The following SMYD3 variants were observed in gnomAD, a reference collection of about 807,000 sequenced individuals.
SMYD3 encodes histone-lysine N-methyltransferase SMYD3.
In SMYD3, 36 loss-of-function variants were observed where a neutral mutation model predicts 57.7. The ratio of observed to expected loss-of-function variants is 0.62; its 90% CI spans 0.48 to 0.82. The LOEUF is 0.82. SMYD3 is among the 40% of genes least tolerant of loss of function. The pLI is 0.00. For missense variants in SMYD3, 515 were observed against 538.8 expected (o/e 0.96, Z 0.44); for synonymous variants, 211 against 195.0 (o/e 1.08, Z -0.68).
intron 5 of SMYD3, among the ~76,000 whole-genome samples, chr1:246,306,948 C>CTT (rs955108078): frequency 1.3e-5 from 2 of 150,452 alleles, no homozygotes; most frequent in African/African-American, 4.9e-5. Flanking sequence ...ATGGAAGTAA[C>CTT]TTTGAGTTTC....
intron 5 of SMYD3, among the ~76,000 whole-genome samples, chr1:246,282,977 A>C (rs1349571587): frequency 6.6e-6 from 1 of 152,202 alleles, no homozygotes; most frequent in Non-Finnish European, 1.5e-5. Context: ...CACTGCTGCA[A>C]ACTTCTTCCT....
intron 5 of SMYD3, among the ~76,000 whole-genome samples, chr1:246,073,480 G>A (rs1377926952): frequency 1.3e-5 from 2 of 152,078 alleles, no homozygotes; most frequent in East Asian, 1.9e-4. Context: ...ACTTTGGGAG[G>A]CCAAGGCGGG....
At chr1:246,330,656 A>G (rs963089790) in intron 3 of SMYD3, 119 bp from the exon 4 acceptor site, 23 of 738,968 alleles carry the variant, frequency 3.1e-5, no homozygotes, top group Non-Finnish European at 4.7e-5. Flanking sequence ...CATTTTCTAT[A>G]TATTCTTTCT....
intron 5 of SMYD3, among the ~76,000 whole-genome samples, chr1:246,126,082 A>G (rs552071349): frequency 1.3e-5 from 2 of 152,350 alleles, no homozygotes; most frequent in South Asian, 4.1e-4. Context: ...ATTCCAGAGC[A>G]CTAAGAAGCA....
At chr1:246,412,898 A>G (rs1177709494) in intron 1 of SMYD3, among the ~76,000 whole-genome samples, 1 of 151,546 alleles carries the variant, frequency 6.6e-6, no homozygotes, top group African/African-American at 2.4e-5. Flanking sequence ...AAGGGAGAAG[A>G]GATTAATATA....
intron 5 of SMYD3, among the ~76,000 whole-genome samples, chr1:246,086,818 C>CA (rs1317552613): frequency 6.6e-6 from 1 of 151,868 alleles, no homozygotes; most frequent in East Asian, 1.9e-4. Flanking sequence ...CTGTACCTAT[C>CA]AATCCATCAC....
At chr1:246,421,099 T>C (rs2102997560) in intron 1 of SMYD3, among the ~76,000 whole-genome samples, 1 of 152,348 alleles carries the variant, frequency 6.6e-6, no homozygotes, top group South Asian at 2.1e-4. Flanking sequence ...CATCATTAAC[T>C]GGCAAGGAAT....
intron 5 of SMYD3, among the ~76,000 whole-genome samples, chr1:245,939,484 CATG>C (rs1206329037): frequency 1.3e-5 from 2 of 151,986 alleles, no homozygotes; most frequent in African/African-American, 4.8e-5. Context: ...ATTAGCTAGG[CATG>C]GTGGTGGCAG....
chr1:246,258,961 T>C (rs1430491954), intron 5 of SMYD3, among the ~76,000 whole-genome samples: 1 of 152,254 alleles, frequency 6.6e-6, no homozygotes, highest in Non-Finnish European at 1.5e-5. Context: ...TTCAAAAGAC[T>C]GATCTTCAAG....
At chr1:246,230,382 A>G (rs1432506530) in intron 5 of SMYD3, among the ~76,000 whole-genome samples, 1 of 152,382 alleles carries the variant, frequency 6.6e-6, no homozygotes, top group East Asian at 1.9e-4. Context: ...CAAGAAAATA[A>G]GCGAAAATAA....
chr1:246,097,575 C>T (rs551893646), intron 5 of SMYD3, among the ~76,000 whole-genome samples: 24 of 152,192 alleles, frequency 1.6e-4, no homozygotes, highest in African/African-American at 5.5e-4. Context: ...ATAGACCTGT[C>T]CAAAACCTCT....
At chr1:245,939,582 G>T (rs1455990472) in intron 5 of SMYD3, among the ~76,000 whole-genome samples, 1 of 151,800 alleles carries the variant, frequency 6.6e-6, no homozygotes, top group African/African-American at 2.4e-5. Flanking sequence ...AGCCAAGATC[G>T]CACCACTCCA....
intron 5 of SMYD3, among the ~76,000 whole-genome samples, chr1:245,948,815 C>A (rs1271549593): frequency 2.0e-5 from 3 of 152,166 alleles, no homozygotes; most frequent in Non-Finnish European, 2.9e-5. Flanking sequence ...ACAGGTTAAC[C>A]CACCTGCAGC....
At chr1:246,289,310 A>G (rs1044673409) in intron 5 of SMYD3, among the ~76,000 whole-genome samples, 1 of 152,196 alleles carries the variant, frequency 6.6e-6, no homozygotes, top group Non-Finnish European at 1.5e-5. Flanking sequence ...TAGAGCACAG[A>G]TAGTGTGAAA....
At chr1:246,042,652 A>G (rs1260085190) in intron 5 of SMYD3, among the ~76,000 whole-genome samples, 2 of 152,204 alleles carry the variant, frequency 1.3e-5, no homozygotes, top group African/African-American at 2.4e-5. Flanking sequence ...GCGTTAATCA[A>G]TCATTCTCTT....
intron 10 of SMYD3, among the ~76,000 whole-genome samples, chr1:245,800,101 C>T (rs114318568): frequency 4.4e-4 from 67 of 152,310 alleles, no homozygotes; most frequent in African/African-American, 1.6e-3. Flanking sequence ...CCGCTTCCTT[C>T]ATCTCCCCAT....
intron 7 of SMYD3, among the ~76,000 whole-genome samples, chr1:245,917,080 T>G (rs2055485813): frequency 1.3e-5 from 2 of 149,758 alleles, no homozygotes; most frequent in African/African-American, 4.9e-5. Context: ...CCAAGGCTGG[T>G]GTGCAGTGGC....
chr1:245,989,139 C>G (rs917147495), intron 5 of SMYD3, among the ~76,000 whole-genome samples: 16 of 152,198 alleles, frequency 1.1e-4, no homozygotes, highest in Non-Finnish European at 1.9e-4. Context: ...AGACTTTATC[C>G]AATTAATACC....
At chr1:246,003,633 C>A (rs889377375) in intron 5 of SMYD3, among the ~76,000 whole-genome samples, 5 of 152,130 alleles carry the variant, frequency 3.3e-5, no homozygotes, top group Non-Finnish European at 7.3e-5. Context: ...TTTAGATGTA[C>A]CTTTTTCAGC....
Sources: allele counts gnomAD v4.1 joint callset (sites outside exome capture counted in the v4.1 genomes callset), GRCh38; gene constraint gnomAD v4.1.1; transcripts MANE v1.5; gene names NCBI Gene and HGNC (gene_info 2026-07-23, HGNC 2026-07-21).